NMNAT2: variants seen among roughly 807,000 people sequenced by gnomAD.
NMNAT2 encodes the protein nicotinamide nucleotide adenylyltransferase 2.
A neutral mutation model predicts 41.6 loss-of-function variants in NMNAT2; 11 were observed. That is an observed-to-expected ratio of 0.26 (90% CI 0.17 to 0.44). The LOEUF is 0.44. Ranked by LOEUF, NMNAT2 falls within the 20% of genes least tolerant of loss-of-function variation. NMNAT2 has a pLI of 1.00. For synonymous variants in NMNAT2, 148 were observed against 151.2 expected (o/e 0.98, Z 0.16); for missense variants, 288 against 407.7 (o/e 0.71, Z 2.53).
At chr1:183,302,335 G>T (rs1355402838) in intron 1 of NMNAT2, among the ~76,000 whole-genome samples, 1 of 152,194 alleles carries the variant, frequency 6.6e-6, no homozygotes, top group African/African-American at 2.4e-5. Context: ...GACATTAAGT[G>T]CTATAGGACT....
chr1:183,385,260 C>G (rs931307913), intron 1 of NMNAT2, among the ~76,000 whole-genome samples: 1 of 151,856 alleles, frequency 6.6e-6, no homozygotes, highest in Non-Finnish European at 1.5e-5. Flanking sequence ...AATGAACATC[C>G]ACAGGTATAT....
intron 1 of NMNAT2, among the ~76,000 whole-genome samples, chr1:183,375,245 A>C (rs932554050): frequency 2.0e-5 from 3 of 152,186 alleles, no homozygotes; most frequent in Non-Finnish European, 4.4e-5. Context: ...AAATAATAAC[A>C]ACCCATGGCC....
chr1:183,390,072 A>T (rs1307990174), intron 1 of NMNAT2, among the ~76,000 whole-genome samples: 1 of 152,058 alleles, frequency 6.6e-6, no homozygotes, highest in Non-Finnish European at 1.5e-5. Context: ...GGAAGGCATT[A>T]ACTACACAGG....
At chr1:183,351,286 A>G (rs1378585997) in intron 1 of NMNAT2, among the ~76,000 whole-genome samples, 1 of 152,236 alleles carries the variant, frequency 6.6e-6, no homozygotes, top group African/African-American at 2.4e-5. Flanking sequence ...TGTTCCCTTG[A>G]TGCTAGACCC....
rs1660333427 is a variant in NMNAT2, at chr1:183,250,011, G to A, written c.*2630C>T. Reference sequence around the variant, plus strand: ...TCTCATGGGCTGTAGACCAAATGGGGCTTGACCAGAGCAGAGTGACAGAGT... The same window carrying A: ...TCTCATGGGCTGTAGACCAAATGGGACTTGACCAGAGCAGAGTGACAGAGT... On this transcript the variant is annotated 3_prime_UTR_variant, in exon 11 of 11. Transcript: ENST00000287713. The A allele has an allele frequency of 6.6e-6, 1 of 152,118 alleles. No individual in the cohort carries two copies. Among genetic ancestry groups the A allele is most frequent in the Non-Finnish European group, 1.5e-5 (1 of 68,050 alleles). The allele number at this position is 152,118 out of a possible 1,614,324, so 9.4% of individuals were successfully genotyped here.
intron 1 of NMNAT2, among the ~76,000 whole-genome samples, chr1:183,351,644 A>C (rs1663048844): frequency 6.6e-6 from 1 of 152,178 alleles, no homozygotes; most frequent in Non-Finnish European, 1.5e-5. Context: ...TCTTTGTTGA[A>C]AGGACTGAAC....
chr1:183,369,263 C>CTTTTTTTTTTTTTTTTTT (rs55925461), intron 1 of NMNAT2, among the ~76,000 whole-genome samples: 1 of 140,090 alleles, frequency 7.1e-6, no homozygotes. Flanking sequence ...CTTTTCTTTT[C>CTTTTTTTTTTTTTTTTTT]TTTTTTTTTT....
chr1:183,357,051 G>A (rs776097363), intron 1 of NMNAT2, among the ~76,000 whole-genome samples: 7 of 152,034 alleles, frequency 4.6e-5, no homozygotes, highest in Admixed American at 6.6e-5. Context: ...CACAACACAT[G>A]TCTCAAAAAG....
chr1:183,322,231 G>A (rs1662371068), intron 1 of NMNAT2, among the ~76,000 whole-genome samples: 1 of 152,172 alleles, frequency 6.6e-6, no homozygotes, highest in South Asian at 2.1e-4. Context: ...ACACCCCTCT[G>A]AGTCTGAATT....
chr1:183,299,436 G>A (rs1416613899), intron 1 of NMNAT2, among the ~76,000 whole-genome samples: 1 of 152,112 alleles, frequency 6.6e-6, no homozygotes, highest in African/African-American at 2.4e-5. Flanking sequence ...AATTTGGATG[G>A]ATCTTTAGTT....
At chr1:183,341,736 A>AAAAC (rs1348825057) in intron 1 of NMNAT2, among the ~76,000 whole-genome samples, 3 of 138,132 alleles carry the variant, frequency 2.2e-5, no homozygotes, top group African/African-American at 8.4e-5. Flanking sequence ...AAAAAAAAAA[A>AAAAC]AAAAAAAAAA....
At chr1:183,390,562 T>A (rs1648449483) in intron 1 of NMNAT2, among the ~76,000 whole-genome samples, 1 of 152,206 alleles carries the variant, frequency 6.6e-6, no homozygotes, top group Admixed American at 6.5e-5. Flanking sequence ...AATTGAAGAC[T>A]CTTGGCTGCT....
At chr1:183,355,197 C>A (rs1293912213) in intron 1 of NMNAT2, among the ~76,000 whole-genome samples, 2 of 152,154 alleles carry the variant, frequency 1.3e-5, no homozygotes, top group African/African-American at 4.8e-5. Flanking sequence ...TGTTCAAATG[C>A]GATTTCCTCG....
At chr1:183,298,983 A>G (rs1449016048) in intron 1 of NMNAT2, among the ~76,000 whole-genome samples, 1 of 152,230 alleles carries the variant, frequency 6.6e-6, no homozygotes, top group Non-Finnish European at 1.5e-5. Flanking sequence ...ATTTGTAATA[A>G]TCAAATACGG....
intron 1 of NMNAT2, among the ~76,000 whole-genome samples, chr1:183,308,075 G>A (rs1200287239): frequency 6.6e-6 from 1 of 152,162 alleles, no homozygotes; most frequent in South Asian, 2.1e-4. Flanking sequence ...CTGGCATTGG[G>A]ACAGAGGAAG....
At chr1:183,272,881 G>A (rs1348558854) in intron 8 of NMNAT2, among the ~76,000 whole-genome samples, 1 of 152,198 alleles carries the variant, frequency 6.6e-6, no homozygotes, top group Non-Finnish European at 1.5e-5. Flanking sequence ...CGGGGCCGGG[G>A]CCTAGGACAT....
At chr1:183,410,145 C>T (rs561512212) in intron 1 of NMNAT2, among the ~76,000 whole-genome samples, 2 of 117,822 alleles carry the variant, frequency 1.7e-5, no homozygotes, top group Non-Finnish European at 3.5e-5. Context: ...CCTGTCTCTA[C>T]AAAAATAATA....
At chr1:183,384,662 A>T (rs1439033358) in intron 1 of NMNAT2, among the ~76,000 whole-genome samples, 1 of 152,248 alleles carries the variant, frequency 6.6e-6, no homozygotes, top group Non-Finnish European at 1.5e-5. Flanking sequence ...ACACAGATCC[A>T]AACCATATTA....
At chr1:183,317,859 C>T (rs1252493396) in intron 1 of NMNAT2, among the ~76,000 whole-genome samples, 1 of 152,176 alleles carries the variant, frequency 6.6e-6, no homozygotes, top group Non-Finnish European at 1.5e-5. Context: ...AGATTCTTGA[C>T]CAGTGTCCAA....
Sources: gnomAD v4.1 joint callset for allele counts (sites outside exome capture counted in the v4.1 genomes callset) on GRCh38, gnomAD v4.1.1 for gene constraint, MANE v1.5 for transcripts, NCBI Gene and HGNC (gene_info 2026-07-23, HGNC 2026-07-21) for gene names.